KLF12: variants seen among roughly 807,000 people sequenced by gnomAD.
The protein encoded by KLF12 is KLF transcription factor 12.
A neutral mutation model predicts 37.8 loss-of-function variants in KLF12; 9 were observed. That is an observed-to-expected ratio of 0.24 (90% confidence interval 0.14 to 0.42). The LOEUF (loss-of-function observed/expected upper bound fraction) is 0.42, where lower values mean the gene tolerates loss of function less well. KLF12 is among the 10% of genes least tolerant of loss of function. The probability of loss-of-function intolerance (pLI) is 1.00; values close to 1 mark genes in which losing one functional copy is unlikely to be tolerated. For missense variants in KLF12, 411 were observed against 516.0 expected (o/e 0.80, Z 1.97); for synonymous variants, 208 against 202.1 (o/e 1.03, Z -0.25).
intron 4 of KLF12, among the ~76,000 whole-genome samples, chr13:73,828,092 C>T (rs1166559787): frequency 3.3e-5 from 5 of 151,950 alleles, no homozygotes; most frequent in Admixed American, 1.3e-4. Context: ...TAATTTCACT[C>T]TTAATGGAAT....
the KLF12 span, among the ~76,000 whole-genome samples, chr13:74,260,127 TACAC>T: frequency 1.3e-5 from 2 of 152,032 alleles, no homozygotes; most frequent in African/African-American, 4.8e-5. Context: ...GTAAACTAAA[TACAC>T]ACACACTCAC....
At chr13:74,158,373 G>A in the KLF12 span, among the ~76,000 whole-genome samples, 58,150 of 152,090 alleles carry the variant, frequency 0.38, 13,005 homozygotes, top group East Asian at 0.78. Flanking sequence ...CAGGATTGGG[G>A]AAGCCAGAGT....
chr13:74,165,856 G>C, the KLF12 span, among the ~76,000 whole-genome samples: 1 of 152,094 alleles, frequency 6.6e-6, no homozygotes, highest in Non-Finnish European at 1.5e-5. Context: ...ATTCCTTGGG[G>C]CTATGTTAGG....
At chr13:73,750,101 G>A (rs924878925) in intron 6 of KLF12, among the ~76,000 whole-genome samples, 2 of 152,258 alleles carry the variant, frequency 1.3e-5, no homozygotes, top group Middle Eastern at 3.4e-3. Context: ...GCATAACAAC[G>A]ATAAACAGAG....
chr13:73,820,367 G>C (rs188211322), intron 4 of KLF12, among the ~76,000 whole-genome samples: 29 of 152,246 alleles, frequency 1.9e-4, no homozygotes, highest in African/African-American at 7.0e-4. Context: ...GACTTCATTT[G>C]GTTTCAGAAT....
intron 5 of KLF12, among the ~76,000 whole-genome samples, chr13:73,766,607 G>T (rs1177604387): frequency 1.3e-5 from 2 of 151,946 alleles, no homozygotes; most frequent in Non-Finnish European, 1.5e-5. Flanking sequence ...CCCTCACTGG[G>T]GTATCAGAAT....
the KLF12 span, among the ~76,000 whole-genome samples, chr13:74,275,878 C>A: frequency 1.9e-5 from 1 of 52,986 alleles, no homozygotes; most frequent in South Asian, 8.1e-4. Context: ...ATCTTTCTTT[C>A]TTCTTTCTTT....
chr13:74,191,406 T>C, the KLF12 span, among the ~76,000 whole-genome samples: 71 of 152,360 alleles, frequency 4.7e-4, no homozygotes, highest in African/African-American at 1.6e-3. Context: ...CTTTTTATTT[T>C]GTTGAGTTAT....
At chr13:74,180,332 A>G in the KLF12 span, among the ~76,000 whole-genome samples, 1 of 152,238 alleles carries the variant, frequency 6.6e-6, no homozygotes, top group Non-Finnish European at 1.5e-5. Context: ...CCATTGAAAG[A>G]TTGTGTTACT....
chr13:73,951,858 G>A (rs984320891), intron 2 of KLF12, among the ~76,000 whole-genome samples: 4 of 152,156 alleles, frequency 2.6e-5, no homozygotes, highest in African/African-American at 9.7e-5. Flanking sequence ...CATTACACTA[G>A]AACATAAGTT....
At chr13:74,001,594 C>A (rs973773850) in intron 1 of KLF12, among the ~76,000 whole-genome samples, 3 of 152,160 alleles carry the variant, frequency 2.0e-5, no homozygotes, top group African/African-American at 7.2e-5. Context: ...TTAATTGTTG[C>A]CTGTATGCTT....
At chr13:74,055,072 G>T (rs946331520) in intron 1 of KLF12, among the ~76,000 whole-genome samples, 8 of 152,130 alleles carry the variant, frequency 5.3e-5, no homozygotes, top group African/African-American at 1.7e-4. Context: ...TTGCTCAAGA[G>T]CACCTAGCAG....
chr13:74,125,166 T>C (rs7982069), intron 1 of KLF12, among the ~76,000 whole-genome samples: 103,696 of 138,568 alleles, frequency 0.75, 39,672 homozygotes, highest in East Asian at 0.93. Context: ...TATATATATA[T>C]ACACACACAC....
chr13:73,920,543 G>C (rs970827965), intron 3 of KLF12, among the ~76,000 whole-genome samples: 4 of 152,014 alleles, frequency 2.6e-5, no homozygotes, highest in African/African-American at 7.3e-5. Flanking sequence ...GAAACACTTA[G>C]CAAATCCATC....
chr13:73,904,741 G>A (rs1888196953), intron 3 of KLF12, among the ~76,000 whole-genome samples: 1 of 152,000 alleles, frequency 6.6e-6, no homozygotes, highest in Admixed American at 6.6e-5. Flanking sequence ...GTAACTCCCA[G>A]GGTTGGTTTA....
intron 6 of KLF12, among the ~76,000 whole-genome samples, chr13:73,742,818 C>T (rs1038091036): frequency 6.6e-6 from 1 of 152,158 alleles, no homozygotes; most frequent in East Asian, 1.9e-4. Flanking sequence ...GGGACATATA[C>T]TTTTCAAATG....
chr13:73,748,969 G>A (rs562266620), intron 6 of KLF12, among the ~76,000 whole-genome samples: 2 of 152,232 alleles, frequency 1.3e-5, no homozygotes, highest in South Asian at 4.1e-4. Context: ...TATACATTCA[G>A]TACTTCAGAG....
At chr13:73,955,547 T>C (rs1890805047) in intron 2 of KLF12, among the ~76,000 whole-genome samples, 1 of 152,236 alleles carries the variant, frequency 6.6e-6, no homozygotes, top group Non-Finnish European at 1.5e-5. Context: ...GGACATCTAA[T>C]GTTTTCTGAC....
At position 73,858,514 on chromosome 13, in the gene KLF12, G is replaced by C. The variant is rs1236515728; in HGVS notation, c.124-12141C>G. Among the ~76,000 whole-genome samples, 3 of 152,292 alleles carry C rather than the reference G, an allele frequency of 2.0e-5. No homozygotes were observed. In the East Asian group the frequency reaches 5.8e-4, roughly 29 times the overall value. On this transcript the variant is annotated intron_variant, in intron 3 of 7. Coordinates refer to ENST00000377669, the MANE Select transcript of KLF12 (RefSeq NM_007249.5). ...TGATTTACTGGGCGAAGAATTTCAT[G>C]TTCTAGAAACTACCATCAACAATTA...
Sources: allele counts gnomAD v4.1 joint callset (sites outside exome capture counted in the v4.1 genomes callset), GRCh38; gene constraint gnomAD v4.1.1; transcripts MANE v1.5; gene names NCBI Gene and HGNC (gene_info 2026-07-23, HGNC 2026-07-21).